RINT1: variants seen among roughly 807,000 people sequenced by gnomAD.
RINT1 encodes the protein RAD50 interactor 1, also known as RAD50-interacting protein 1.
A neutral mutation model predicts 97.7 loss-of-function variants in RINT1; 75 were observed. The ratio of observed to expected loss-of-function variants is 0.77; its 90% CI spans 0.64 to 0.93. The LOEUF (loss-of-function observed/expected upper bound fraction) is 0.93, where lower values mean the gene tolerates loss of function less well. RINT1 is among the 40% of genes least tolerant of loss of function. RINT1 has a pLI of 0.00. For missense variants in RINT1, 892 were observed against 925.2 expected (o/e 0.96, Z 0.47); for synonymous variants, 303 against 326.3 (o/e 0.93, Z 0.77).
At chr7:105,544,005 C>T (rs1790562092) in intron 4 of RINT1, among the ~76,000 whole-genome samples, 1 of 151,182 alleles carries the variant, frequency 6.6e-6, no homozygotes, top group Non-Finnish European at 1.5e-5. Flanking sequence ...GAGGCTGAGG[C>T]AGGGGAATTG....
chr7:105,555,334 C>A, intron 11 of RINT1, 107 bp downstream of exon 11: 1 of 871,104 alleles, frequency 1.1e-6, no homozygotes, highest in Non-Finnish European at 1.7e-6. Flanking sequence ...ACATGCTAGA[C>A]AGAACCATAG....
In RINT1 at chr7:105,551,525, G is replaced by T; in HGVS notation, c.1334-45G>T. On this transcript the variant is annotated intron_variant, in intron 9 of 14. Coordinates refer to ENST00000257700, the MANE Select transcript of RINT1 (RefSeq NM_021930.6). ...AATTACAAGTTGAATAATTAGGAAC[G>T]ACTGTAACTACTTAATTGACATAAT... 3.4e-6 allele frequency: 5 copies of T among 1,478,266 alleles called. No homozygotes were observed. In the South Asian group the frequency reaches 5.6e-5, roughly 17 times the overall value. 91.6% of individuals were successfully genotyped at this position (1,478,266 alleles called of 1,614,324 possible). A position where few individuals can be genotyped will look rare whatever the true frequency, so the allele number is the denominator to read the frequency against.
intron 10 of RINT1, among the ~76,000 whole-genome samples, chr7:105,552,791 C>T (rs1293511467): frequency 1.4e-5 from 2 of 148,092 alleles, no homozygotes; most frequent in Admixed American, 7.0e-5. Flanking sequence ...CTTTTGCCTC[C>T]GCCTCCCAAG....
intron 4 of RINT1, among the ~76,000 whole-genome samples, chr7:105,545,384 T>G (rs1424288848): frequency 6.6e-6 from 1 of 150,848 alleles, no homozygotes; most frequent in African/African-American, 2.4e-5. Context: ...CCCCGAGAGG[T>G]TAAGATTGCA....
chr7:105,557,652 T>A (rs1791241696), intron 11 of RINT1, among the ~76,000 whole-genome samples: 1 of 152,166 alleles, frequency 6.6e-6, no homozygotes, highest in Non-Finnish European at 1.5e-5. Flanking sequence ...CAAAAATTTA[T>A]GGTTACTTCT....
At chr7:105,565,020 G>T (rs1791634113) in intron 12 of RINT1, 2 of 323,470 alleles carry the variant, frequency 6.2e-6, no homozygotes, top group Admixed American at 9.1e-5. Flanking sequence ...ATTTTAAATT[G>T]TAATTGCCTT....
rs2133426852 is a variant in RINT1 at position 105,555,148 on chromosome 7, C to T, written c.1592C>T (p.Ser531Phe). 1.2e-6 allele frequency: 2 copies of T among 1,614,062 alleles called. No individual in the cohort carries two copies. The highest frequency in any genetic ancestry group is 8.5e-7 in the Non-Finnish European group (1 of 1,179,980). ...TQVMKEETRA[S>F]LGFRYCAILN... ...GTGATGAAAGAAGAGACTAGAGCTT[C>T]CCTTGGCTTTCGATACTGTGCAATT... The change falls in exon 11 of 15, where the codon TCC becomes TTC. Residue 531 changes from serine to phenylalanine, a missense_variant. By Grantham distance (155) the Ser-to-Phe change is radical (BLOSUM62 -2). Coordinates refer to ENST00000257700, the MANE Select transcript of RINT1 (RefSeq NM_021930.6).
chr7:105,541,934 T>A (rs924571338), intron 3 of RINT1: 9 of 152,794 alleles, frequency 5.9e-5, no homozygotes, highest in African/African-American at 2.2e-4. Flanking sequence ...TATTTTTTTG[T>A]TTCACTTATT....
intron 11 of RINT1, among the ~76,000 whole-genome samples, chr7:105,559,722 A>G (rs1562857046): frequency 6.6e-6 from 1 of 152,202 alleles, no homozygotes; most frequent in African/African-American, 2.4e-5. Flanking sequence ...CTCTGTCTCA[A>G]AAAATAAAAA....
intron 6 of RINT1, among the ~76,000 whole-genome samples, chr7:105,548,204 T>C (rs150740091): frequency 6.6e-6 from 1 of 152,138 alleles, no homozygotes; most frequent in African/African-American, 2.4e-5. Context: ...ATTTTTGTTG[T>C]TTTTTGTAGA....
chr7:105,539,376 T>TTTC (rs1427711126), intron 3 of RINT1, among the ~76,000 whole-genome samples: 2 of 144,854 alleles, frequency 1.4e-5, no homozygotes, highest in Non-Finnish European at 3.1e-5. Flanking sequence ...TTTTTTTTTT[T>TTTC]TGAGTTGGAG....
chr7:105,536,008 T>G (rs1300156581), intron 2 of RINT1, among the ~76,000 whole-genome samples: 2 of 152,256 alleles, frequency 1.3e-5, no homozygotes, highest in Non-Finnish European at 2.9e-5. Flanking sequence ...CTTAAGCATT[T>G]TGCAGTAGTT....
Position 105,542,611 on chromosome 7 carries a change from T to A in RINT1, c.477T>A (p.Leu159=). The A allele has an allele frequency of 6.2e-7, 1 of 1,613,910 alleles. No individual in the cohort carries two copies. The highest frequency in any genetic ancestry group is 8.5e-7 in the Non-Finnish European group (1 of 1,179,942). ...AGATTGAAGAGATCGAACGTCATCT[T>A]GCTTACCTTAAATGGATTTCACAAA... is the stretch of plus-strand genomic sequence containing the variant. ...ISQIEEIERH[L]AYLKWISQIE... is the part of the protein sequence containing the mutation. Residue 159 remains leucine, a synonymous_variant, in exon 4 of 15, where the codon CTT becomes CTA. Coordinates refer to ENST00000257700, the MANE Select transcript of RINT1 (RefSeq NM_021930.6).
At chr7:105,545,829 G>A (rs1790644134) in intron 4 of RINT1, among the ~76,000 whole-genome samples, 1 of 144,620 alleles carries the variant, frequency 6.9e-6, no homozygotes, top group Non-Finnish European at 1.5e-5. Context: ...CTTTGAGACG[G>A]AGTCTCACTC....
chr7:105,564,471 GCCTAA>G (rs1479217370), intron 12 of RINT1, among the ~76,000 whole-genome samples: 3 of 152,096 alleles, frequency 2.0e-5, no homozygotes, highest in Non-Finnish European at 4.4e-5. Context: ...GGGTTGAATA[GCCTAA>G]CCTGTCTCCC....
chr7:105,561,100 GAAA>G (rs77538953), intron 11 of RINT1, among the ~76,000 whole-genome samples: 1 of 134,604 alleles, frequency 7.4e-6, no homozygotes, highest in African/African-American at 2.6e-5. Flanking sequence ...GAGTTTTAGA[GAAA>G]AAAAAAAAAA....
At chr7:105,532,973 C>G (rs1173478477) in intron 2 of RINT1, 104 bp downstream of exon 2, 17 of 983,282 alleles carry the variant, frequency 1.7e-5, no homozygotes, top group Non-Finnish European at 2.6e-5. Context: ...GATGCAGTAC[C>G]GTTTTCTGCA....
At chr7:105,558,578 C>T (rs1791291781) in intron 11 of RINT1, among the ~76,000 whole-genome samples, 2 of 152,158 alleles carry the variant, frequency 1.3e-5, no homozygotes, top group African/African-American at 4.8e-5. Flanking sequence ...GTAATCCCAA[C>T]TCTGGGAAGC....
chr7:105,552,283 T>C (rs1790961596), intron 10 of RINT1, among the ~76,000 whole-genome samples: 1 of 152,220 alleles, frequency 6.6e-6, no homozygotes, highest in Admixed American at 6.5e-5. Context: ...TTATCCAAAC[T>C]GTCTTGCTAT....
Sources: allele counts gnomAD v4.1 joint callset (sites outside exome capture counted in the v4.1 genomes callset), GRCh38; gene constraint gnomAD v4.1.1; transcripts MANE v1.5; gene names NCBI Gene and HGNC (gene_info 2026-07-23, HGNC 2026-07-21).